The following SGCD variants were observed in gnomAD, a reference collection of about 807,000 sequenced individuals.
SGCD encodes the protein sarcoglycan delta, also known as delta-sarcoglycan.
Under a neutral mutation model 36.6 loss-of-function variants are expected in SGCD, and 18 were observed. The observed-to-expected ratio is 0.49, with a 90% CI of 0.34 to 0.73. The LOEUF (loss-of-function observed/expected upper bound fraction) is 0.73, where lower values mean the gene tolerates loss of function less well. Among genes scored for constraint, SGCD ranks in the 30% least tolerant of loss-of-function variants. The pLI, the probability that SGCD is intolerant of heterozygous loss-of-function variation, is 0.01. For synonymous variants in SGCD, 133 were observed against 130.6 expected, an observed-to-expected ratio of 1.02 and a Z score of -0.12; for missense variants, 387 against 346.7, an observed-to-expected ratio of 1.12 and a Z score of -0.92.
At chr5:156,017,856 T>G (rs553698959) in intron 1 of SGCD, among the ~76,000 whole-genome samples, 3 of 152,300 alleles carry the variant, frequency 2.0e-5, no homozygotes, top group East Asian at 3.9e-4. Flanking sequence ...GACATTCATA[T>G]TGACATTTAA....
chr5:156,651,611 G>C (rs1763464361), intron 7 of SGCD, among the ~76,000 whole-genome samples: 1 of 151,938 alleles, frequency 6.6e-6, no homozygotes, highest in Admixed American at 6.6e-5. Context: ...ATAGCTATAG[G>C]TATGAGACTA....
At position 156,296,555 on chromosome 5, in the gene SGCD, A is replaced by C. The variant is rs10038677; in HGVS notation, c.-43-32979A>C. 7.5e-3 allele frequency among the ~76,000 whole-genome samples: 1,138 copies of C among 152,190 alleles called. 10 individuals carry two copies. The highest frequency in any genetic ancestry group is 0.027 in the African/African-American group (1,102 of 41,540). On this transcript the variant is annotated intron_variant, in intron 3 of 9. Coordinates refer to the SGCD transcript ENST00000517913. ...TGATTTACTCTTTCATCTGTTGGTTATTTAAAAGCATGTTGTCTAATATTC... is the reference window on the plus strand; with the variant it reads ...TGATTTACTCTTTCATCTGTTGGTTCTTTAAAAGCATGTTGTCTAATATTC...
At chr5:156,494,947 C>T (rs1756117204) in intron 3 of SGCD, among the ~76,000 whole-genome samples, 1 of 152,152 alleles carries the variant, frequency 6.6e-6, no homozygotes, top group Non-Finnish European at 1.5e-5. Context: ...ATATCCTACC[C>T]TCTCTCTTCC....
chr5:156,330,238 C>A (rs1207707034), intron 2 of SGCD, among the ~76,000 whole-genome samples: 2 of 151,938 alleles, frequency 1.3e-5, no homozygotes, highest in African/African-American at 4.8e-5. Flanking sequence ...TGCAAATATT[C>A]CAAAAATCCA....
At chr5:155,785,090 G>C in the SGCD span, among the ~76,000 whole-genome samples, 1 of 151,964 alleles carries the variant, frequency 6.6e-6, no homozygotes, top group Non-Finnish European at 1.5e-5. Context: ...ATGTGTAATA[G>C]CACGGTGTTC....
intron 3 of SGCD, among the ~76,000 whole-genome samples, chr5:156,406,811 T>C (rs1282602710): frequency 9.5e-6 from 1 of 104,970 alleles, no homozygotes; most frequent in African/African-American, 4.3e-5. Context: ...TATATATATA[T>C]ATATATATAC....
Position 156,241,049 on chromosome 5 carries a change from T to G in SGCD, c.-43-88485T>G, listed in dbSNP as rs538737712. 2.0e-5 allele frequency among the ~76,000 whole-genome samples: 3 copies of G among 152,318 alleles called. No homozygotes were observed. The South Asian group carries it at 6.2e-4, about 32-fold the overall frequency. On this transcript the variant is annotated intron_variant, in intron 3 of 9. Transcript: ENST00000517913. ...AGACAATTCACCAAAGCTGTTCCACTGTGAGAGTCAGGGCATACACTGAAA... is the reference window on the plus strand; with the variant it reads ...AGACAATTCACCAAAGCTGTTCCACGGTGAGAGTCAGGGCATACACTGAAA...
At chr5:156,232,410 T>C (rs770736197) in intron 3 of SGCD, among the ~76,000 whole-genome samples, 1 of 152,208 alleles carries the variant, frequency 6.6e-6, no homozygotes, top group Non-Finnish European at 1.5e-5. Flanking sequence ...AAAACCCATC[T>C]GTGTGCTCAC....
intron 3 of SGCD, among the ~76,000 whole-genome samples, chr5:156,296,849 A>T (rs115574039): frequency 6.6e-6 from 1 of 152,066 alleles, no homozygotes; most frequent in South Asian, 2.1e-4. Flanking sequence ...TGAAGTAGAA[A>T]TGTCTACTTC....
chr5:155,975,932 G>A (rs1271510287), intron 1 of SGCD, among the ~76,000 whole-genome samples: 2 of 151,874 alleles, frequency 1.3e-5, no homozygotes, highest in South Asian at 4.2e-4. Context: ...GCTCGGCCAT[G>A]TGTTATTTTT....
chr5:155,899,272 C>T (rs1343838610), intron 1 of SGCD, among the ~76,000 whole-genome samples: 1 of 152,158 alleles, frequency 6.6e-6, no homozygotes, highest in Non-Finnish European at 1.5e-5. Context: ...AGCTTTTTCC[C>T]TGGAAATTAA....
intron 3 of SGCD, among the ~76,000 whole-genome samples, chr5:156,370,049 TGGCTTGAGTCA>T (rs557688108): frequency 2.3e-3 from 356 of 152,312 alleles, no homozygotes; most frequent in African/African-American, 8.0e-3. Context: ...CAGCATTTCA[TGGCTTGAGTCA>T]GGTGTTCTCA....
chr5:156,515,513 G>A (rs1408567999), intron 4 of SGCD, among the ~76,000 whole-genome samples: 2 of 152,170 alleles, frequency 1.3e-5, no homozygotes, highest in Non-Finnish European at 2.9e-5. Flanking sequence ...GTGAGGATAA[G>A]CAGGGTGGAG....
At chr5:156,529,423 CAAAAAAAAAAAA>C (rs397884521) in intron 4 of SGCD, among the ~76,000 whole-genome samples, 1 of 59,142 alleles carries the variant, frequency 1.7e-5, no homozygotes, top group South Asian at 7.0e-4. Flanking sequence ...GACTCTGTCT[CAAAAAAAAAAAA>C]AAAAAAAAAG....
chr5:156,088,964 C>T (rs936207157), intron 1 of SGCD, among the ~76,000 whole-genome samples: 1 of 152,050 alleles, frequency 6.6e-6, no homozygotes, highest in Non-Finnish European at 1.5e-5. Context: ...TCATGGGATC[C>T]AGTCCATTTT....
chr5:156,760,829 A>C lies in SGCD; in HGVS notation c.*1439A>C, dbSNP rs946403738. 2 of 152,676 alleles carry C rather than the reference A, an allele frequency of 1.3e-5. No homozygotes were observed. The highest frequency in any genetic ancestry group is 2.9e-5 in the Non-Finnish European group (2 of 68,076). 9.5% of individuals were successfully genotyped at this position (152,676 alleles called of 1,614,324 possible). Reference sequence around the variant, plus strand: ...CAATGCACTCAGCAAGGAGAAGCACATCTTATTTATCTTGTTACCTATAGT... The same window carrying C: ...CAATGCACTCAGCAAGGAGAAGCACCTCTTATTTATCTTGTTACCTATAGT... On this transcript the variant is annotated 3_prime_UTR_variant, in exon 9 of 9. Coordinates refer to ENST00000337851, the MANE Select transcript of SGCD (RefSeq NM_000337.6).
chr5:156,342,267 T>C (rs1768699875), intron 2 of SGCD, among the ~76,000 whole-genome samples: 2 of 152,252 alleles, frequency 1.3e-5, no homozygotes, highest in Non-Finnish European at 2.9e-5. Flanking sequence ...ACTGATATAG[T>C]GGCAATATCA....
At chr5:155,878,686 G>A (rs1755815827) in intron 1 of SGCD, among the ~76,000 whole-genome samples, 1 of 152,116 alleles carries the variant, frequency 6.6e-6, no homozygotes, top group Non-Finnish European at 1.5e-5. Flanking sequence ...AGGGAGAAAT[G>A]ACTGTTAGAT....
chr5:156,589,434 T>A, intron 5 of SGCD, 116 bp downstream of exon 5: 1 of 623,750 alleles, frequency 1.6e-6, no homozygotes, highest in South Asian at 2.1e-5. Context: ...AACACATTGT[T>A]GAGAAAGAGA....
Sources: gnomAD v4.1 joint callset for allele counts (sites outside exome capture counted in the v4.1 genomes callset) on GRCh38, gnomAD v4.1.1 for gene constraint, MANE v1.5 for transcripts, NCBI Gene and HGNC (gene_info 2026-07-23, HGNC 2026-07-21) for gene names.